Variants in ABCA13 observed in about 807,000 individuals in gnomAD.
The protein encoded by ABCA13 is ATP-binding cassette sub-family A member 13.
A neutral mutation model predicts 478.7 loss-of-function variants in ABCA13; 476 were observed. The observed-to-expected ratio is 0.99, with a 90% CI of 0.92 to 1.07. The LOEUF is 1.07. Ranked by LOEUF, ABCA13 falls within the 50% of genes least tolerant of loss-of-function variation. ABCA13 has a pLI of 0.00. For missense variants in ABCA13, 6,060 were observed against 5,910.6 expected, an observed-to-expected ratio of 1.03 and a Z score of -0.83; for synonymous variants, 2,252 against 2,158.9, an observed-to-expected ratio of 1.04 and a Z score of -1.20.
chr7:48,219,885 C>CAT (rs1787109349), intron 4 of ABCA13, among the ~76,000 whole-genome samples: 1 of 20,074 alleles, frequency 5.0e-5, no homozygotes, highest in Non-Finnish European at 1.4e-4. Flanking sequence ...CTTCCCCAAA[C>CAT]ACACACACAC....
chr7:48,279,031 G>A lies in ABCA13; in HGVS notation c.7837G>A (p.Asp2613Asn). 2 of 1,613,210 alleles carry A rather than the reference G, an allele frequency of 1.2e-6. No individual in the cohort carries two copies. The highest frequency in any genetic ancestry group is 1.7e-6 in the Non-Finnish European group (2 of 1,179,800). ...AGAACCTTATATATCATCAAACTCT[G>A]ATATTTTCAGTATGTCACCTAGCAT... ...GVEPYISSNS[D>N]IFSMSPSILS... is the part of the protein sequence containing the mutation. The change falls in exon 18 of 62, where the codon GAT becomes AAT. Residue 2613 changes from aspartate (D) to asparagine (N), a missense_variant. By Grantham distance (23) the Asp-to-Asn change is conservative. Transcript: ENST00000435803.
chr7:48,381,944 C>T (rs1460694480), intron 35 of ABCA13, among the ~76,000 whole-genome samples: 4 of 152,224 alleles, frequency 2.6e-5, no homozygotes, highest in Non-Finnish European at 5.9e-5. Flanking sequence ...TGAGCGGCTT[C>T]CACGCCAGCT....
At chr7:48,616,965 T>C (rs1348976640) in intron 59 of ABCA13, among the ~76,000 whole-genome samples, 1 of 152,096 alleles carries the variant, frequency 6.6e-6, no homozygotes, top group Admixed American at 6.5e-5. Context: ...GTCCAAGAGA[T>C]CGAGGCTGCA....
chr7:48,639,999 G>A (rs1376858068), intron 59 of ABCA13, among the ~76,000 whole-genome samples: 1 of 152,148 alleles, frequency 6.6e-6, no homozygotes, highest in Non-Finnish European at 1.5e-5. Flanking sequence ...TAATGGTTAT[G>A]CGATTATTTC....
intron 53 of ABCA13, among the ~76,000 whole-genome samples, chr7:48,521,266 G>C (rs62447315): frequency 0.084 from 12,764 of 152,100 alleles, 933 homozygotes; most frequent in African/African-American, 0.2. Context: ...ATGTATTTCC[G>C]TCTGACCTCT....
In ABCA13 at chr7:48,287,320, G is replaced by A. The variant is rs1366857600; in HGVS notation, c.8837-640G>A. 2.0e-5 allele frequency among the ~76,000 whole-genome samples: 3 copies of A among 152,180 alleles called. No homozygotes were observed. In the East Asian group the frequency reaches 5.8e-4, roughly 29 times the overall value. ...GATCTCCTTTGGGGAAGAGCCTTGT[G>A]GATCAGAGCGTAAGGCAGATTGGAA... is the stretch of plus-strand genomic sequence containing the variant. On this transcript the variant is annotated intron_variant, in intron 19 of 61. Transcript: ENST00000435803.
intron 29 of ABCA13, among the ~76,000 whole-genome samples, chr7:48,346,054 T>C (rs1169894478): frequency 1.3e-5 from 2 of 152,170 alleles, no homozygotes; most frequent in South Asian, 2.1e-4. Flanking sequence ...CTAGGAGCAA[T>C]AGGCTATGCT....
At chr7:48,334,244 C>G (rs1002720499) in intron 27 of ABCA13, among the ~76,000 whole-genome samples, 1 of 152,064 alleles carries the variant, frequency 6.6e-6, no homozygotes, top group Non-Finnish European at 1.5e-5. Context: ...GTTAGTATAG[C>G]TGGCGTTTAC....
chr7:48,413,100 T>G (rs1819505694), intron 41 of ABCA13, among the ~76,000 whole-genome samples: 1 of 151,780 alleles, frequency 6.6e-6, no homozygotes. Flanking sequence ...TGTGAGCCCA[T>G]GCACCCGGCC....
intron 59 of ABCA13, among the ~76,000 whole-genome samples, chr7:48,637,317 C>A (rs1794719683): frequency 7.5e-6 from 1 of 133,128 alleles, no homozygotes. Context: ...CAGCACTCAT[C>A]AAGCCAGAAA....
intron 48 of ABCA13, among the ~76,000 whole-genome samples, chr7:48,500,194 G>A (rs1044408340): frequency 1.3e-5 from 2 of 152,188 alleles, no homozygotes; most frequent in African/African-American, 4.8e-5. Context: ...TTATGAGACA[G>A]GGCATAGCTA....
At chr7:48,643,528 C>A in intron 60 of ABCA13, 135 bp downstream of exon 60, 1 of 690,468 alleles carries the variant, frequency 1.4e-6, no homozygotes, top group Non-Finnish European at 2.4e-6. Context: ...AAAGTATAGG[C>A]CCTGCCTCCC....
At chr7:48,632,929 G>T (rs1433526962) in intron 59 of ABCA13, among the ~76,000 whole-genome samples, 2 of 152,062 alleles carry the variant, frequency 1.3e-5, no homozygotes, top group Admixed American at 6.6e-5. Context: ...ATTACTGAAG[G>T]TGAATGAATG....
chr7:48,500,618 T>A (rs542423006), intron 48 of ABCA13, among the ~76,000 whole-genome samples: 21 of 152,320 alleles, frequency 1.4e-4, no homozygotes, highest in Admixed American at 7.2e-4. Flanking sequence ...TCTAATGTAG[T>A]GATTGATAAG....
In ABCA13 at chr7:48,596,054, T is replaced by G. The variant is rs541427289; in HGVS notation, c.14744+1241T>G. On this transcript the variant is annotated intron_variant, in intron 58 of 61. Transcript: ENST00000435803. Reference sequence around the variant, plus strand: ...TTACTGATTACTGCAGCATTATTAGTTTACGTAAAAATACTATTAAATGCT... The same window carrying G: ...TTACTGATTACTGCAGCATTATTAGGTTACGTAAAAATACTATTAAATGCT... Among the ~76,000 whole-genome samples the G allele has an allele frequency of 1.2e-4, 18 of 152,326 alleles. No homozygotes were observed. The South Asian group carries it at 3.7e-3, about 32-fold the overall frequency.
chr7:48,175,771 A>T (rs1345341829), intron 1 of ABCA13, among the ~76,000 whole-genome samples: 1 of 152,174 alleles, frequency 6.6e-6, no homozygotes, highest in Non-Finnish European at 1.5e-5. Context: ...CATATAGAGC[A>T]CTGGAACTCA....
intron 1 of ABCA13, among the ~76,000 whole-genome samples, chr7:48,178,071 G>C (rs1175248234): frequency 6.6e-6 from 1 of 152,232 alleles, no homozygotes; most frequent in East Asian, 1.9e-4. Context: ...AAGCTGTTTG[G>C]GGTTGGTTGG....
At chr7:48,348,897 C>T (rs995445860) in intron 29 of ABCA13, among the ~76,000 whole-genome samples, 9 of 152,188 alleles carry the variant, frequency 5.9e-5, no homozygotes, top group Admixed American at 5.9e-4. Flanking sequence ...ATATTTTTAA[C>T]ACACAGTAAG....
At chr7:48,204,984 C>A (rs1485018170) in intron 3 of ABCA13, among the ~76,000 whole-genome samples, 1 of 152,230 alleles carries the variant, frequency 6.6e-6, no homozygotes, top group Non-Finnish European at 1.5e-5. Context: ...TAACTGCAGT[C>A]ACTTGTCTAC....
Sources: allele counts gnomAD v4.1 joint callset (sites outside exome capture counted in the v4.1 genomes callset), GRCh38; gene constraint gnomAD v4.1.1; transcripts MANE v1.5; gene names NCBI Gene and HGNC (gene_info 2026-07-23, HGNC 2026-07-21).